Variants in OXR1 observed in about 807,000 individuals in gnomAD.
The protein encoded by OXR1 is oxidation resistance protein 1.
A neutral mutation model predicts 104.6 loss-of-function variants in OXR1; 41 were observed. That is an observed-to-expected ratio of 0.39 (90% confidence interval 0.31 to 0.51). The LOEUF (loss-of-function observed/expected upper bound fraction) is 0.51, where lower values mean the gene tolerates loss of function less well. Ranked by LOEUF, OXR1 falls within the 20% of genes least tolerant of loss-of-function variation. The pLI, the probability that OXR1 is intolerant of heterozygous loss-of-function variation, is 0.77. For synonymous variants in OXR1, 348 were observed against 348.4 expected (o/e 1.00, Z 0.01); for missense variants, 955 against 1,031.9 (o/e 0.93, Z 1.02).
chr8:106,315,276 T>G (rs76998028), intron 1 of OXR1, among the ~76,000 whole-genome samples: 12,715 of 152,178 alleles, frequency 0.084, 606 homozygotes, highest in African/African-American at 0.12. Context: ...AAATATTAAA[T>G]GAAATAACTT....
At position 106,371,571 on chromosome 8, in the gene OXR1, C is replaced by T. The variant is rs565226198; in HGVS notation, c.23+11935C>T. Among the ~76,000 whole-genome samples, 8 of 152,264 alleles carry T rather than the reference C, an allele frequency of 5.3e-5. No homozygotes were observed. The South Asian group carries it at 1.5e-3, about 28-fold the overall frequency. ...CCTTTTAACACTGCTTTCGCTATGT[C>T]CCAGAGATTCTGCTACGTTGTCTCT... On this transcript the variant is annotated intron_variant, in intron 2 of 16. Transcript: ENST00000517566.
intron 11 of OXR1, among the ~76,000 whole-genome samples, chr8:106,723,497 CAAAA>C (rs550424646): frequency 4.2e-5 from 4 of 95,684 alleles, no homozygotes; most frequent in Non-Finnish European, 8.6e-5. Flanking sequence ...GCCTCTGTCT[CAAAA>C]AAAAAAAAAA....
chr8:106,399,474 T>C (rs1336665336), intron 2 of OXR1, among the ~76,000 whole-genome samples: 1 of 152,148 alleles, frequency 6.6e-6, no homozygotes, highest in East Asian at 1.9e-4. Flanking sequence ...TATATTATAT[T>C]TTGAAGCTCA....
intron 15 of OXR1, among the ~76,000 whole-genome samples, chr8:106,743,923 T>C (rs1835161573): frequency 6.6e-6 from 1 of 152,044 alleles, no homozygotes; most frequent in Non-Finnish European, 1.5e-5. Context: ...ATATACACCA[T>C]GCAAACTAAT....
chr8:106,501,299 G>A (rs1201796363), intron 2 of OXR1, among the ~76,000 whole-genome samples: 2 of 152,124 alleles, frequency 1.3e-5, no homozygotes, highest in Non-Finnish European at 2.9e-5. Context: ...TGAAGTTGGT[G>A]CAATTTCTCA....
chr8:106,385,443 A>G (rs1426939187), intron 2 of OXR1, among the ~76,000 whole-genome samples: 1 of 152,224 alleles, frequency 6.6e-6, no homozygotes, highest in African/African-American at 2.4e-5. Context: ...TAAATTTTTT[A>G]AAAGTCACCA....
chr8:106,621,684 G>A (rs916574866), intron 3 of OXR1, among the ~76,000 whole-genome samples: 2 of 152,028 alleles, frequency 1.3e-5, no homozygotes, highest in African/African-American at 4.8e-5. Flanking sequence ...TTGAGGATAG[G>A]GATACTTTGA....
chr8:106,395,011 A>T (rs960619909), intron 2 of OXR1, among the ~76,000 whole-genome samples: 7 of 150,674 alleles, frequency 4.6e-5, no homozygotes, highest in Non-Finnish European at 1.0e-4. Flanking sequence ...TAGTGGGGGG[A>T]AAAGTAATTG....
intron 2 of OXR1, among the ~76,000 whole-genome samples, chr8:106,379,754 G>C (rs1046520171): frequency 6.6e-6 from 1 of 151,574 alleles, no homozygotes; most frequent in Non-Finnish European, 1.5e-5. Flanking sequence ...AGTTGGCCAG[G>C]GTGGTCTCGA....
intron 3 of OXR1, among the ~76,000 whole-genome samples, chr8:106,664,128 T>G (rs1826042706): frequency 6.6e-6 from 1 of 152,198 alleles, no homozygotes; most frequent in Middle Eastern, 3.2e-3. Flanking sequence ...AGTGTATCAT[T>G]TAGTTCAGTG....
chr8:106,636,407 T>C (rs1196803453), intron 3 of OXR1, among the ~76,000 whole-genome samples: 1 of 152,036 alleles, frequency 6.6e-6, no homozygotes, highest in Non-Finnish European at 1.5e-5. Context: ...TAAGTGGCAG[T>C]ATTTGTGCTA....
chr8:106,340,514 ATGTAACCC>A (rs926964681), intron 1 of OXR1, among the ~76,000 whole-genome samples: 1 of 152,154 alleles, frequency 6.6e-6, no homozygotes, highest in Non-Finnish European at 1.5e-5. Flanking sequence ...TCTAAAATAG[ATGTAACCC>A]TGTAACCCAC....
intron 1 of OXR1, among the ~76,000 whole-genome samples, chr8:106,356,205 A>G (rs1348791408): frequency 6.6e-6 from 1 of 152,206 alleles, no homozygotes; most frequent in African/African-American, 2.4e-5. Flanking sequence ...TACATTTTAA[A>G]GGGATGGCTC....
chr8:106,577,591 G>A (rs1817946442), intron 3 of OXR1, among the ~76,000 whole-genome samples: 1 of 151,816 alleles, frequency 6.6e-6, no homozygotes, highest in Non-Finnish European at 1.5e-5. Context: ...AGGTTTACCA[G>A]GTCGGCCAGG....
chr8:106,413,926 C>A (rs1240090572), intron 2 of OXR1, among the ~76,000 whole-genome samples: 2 of 151,956 alleles, frequency 1.3e-5, no homozygotes, highest in African/African-American at 4.8e-5. Flanking sequence ...CAGGGTTTCA[C>A]CATGTTGACC....
chr8:106,440,638 C>T (rs775980266), intron 2 of OXR1, among the ~76,000 whole-genome samples: 5 of 151,950 alleles, frequency 3.3e-5, no homozygotes, highest in Admixed American at 6.6e-5. Flanking sequence ...ACAGTTTCCA[C>T]TCTCATTTTT....
intron 11 of OXR1, among the ~76,000 whole-genome samples, chr8:106,730,540 A>C (rs1833791106): frequency 6.6e-6 from 1 of 152,076 alleles, no homozygotes; most frequent in Admixed American, 6.5e-5. Flanking sequence ...AGACTCCTTC[A>C]TGTCTTTTTG....
At chr8:106,501,357 T>A (rs546400682) in intron 2 of OXR1, among the ~76,000 whole-genome samples, 1 of 152,020 alleles carries the variant, frequency 6.6e-6, no homozygotes, top group Non-Finnish European at 1.5e-5. Flanking sequence ...AGGAGGAGCA[T>A]AGAGATGAAG....
At chr8:106,623,974 C>A (rs1304165084) in intron 3 of OXR1, among the ~76,000 whole-genome samples, 1 of 152,182 alleles carries the variant, frequency 6.6e-6, no homozygotes, top group Non-Finnish European at 1.5e-5. Context: ...TTTTTGCTAA[C>A]ACATTAAGCC....
Sources: gnomAD v4.1 joint callset for allele counts (sites outside exome capture counted in the v4.1 genomes callset) on GRCh38, gnomAD v4.1.1 for gene constraint, MANE v1.5 for transcripts, NCBI Gene and HGNC (gene_info 2026-07-23, HGNC 2026-07-21) for gene names.